Variants in SEMA6D observed in about 807,000 individuals in gnomAD.
SEMA6D encodes the protein semaphorin-6D.
A neutral mutation model predicts 106.6 loss-of-function variants in SEMA6D; 35 were observed. The observed-to-expected ratio is 0.33, with a 90% CI of 0.25 to 0.44. The LOEUF (loss-of-function observed/expected upper bound fraction) is 0.44, where lower values mean the gene tolerates loss of function less well. Ranked by LOEUF, SEMA6D falls within the 20% of genes least tolerant of loss-of-function variation. The pLI is 1.00. For missense variants in SEMA6D, 1,185 were observed against 1,345.9 expected, an observed-to-expected ratio of 0.88 and a Z score of 1.87; for synonymous variants, 499 against 487.7, an observed-to-expected ratio of 1.02 and a Z score of -0.31.
chr15:47,726,414 T>G (rs1358653931), intron 1 of SEMA6D, among the ~76,000 whole-genome samples: 1 of 152,216 alleles, frequency 6.6e-6, no homozygotes, highest in Admixed American at 6.5e-5. Flanking sequence ...TTAGGAATAT[T>G]CTCATTTTGT....
intron 2 of SEMA6D, among the ~76,000 whole-genome samples, chr15:47,457,526 C>A (rs895746683): frequency 7.9e-5 from 12 of 151,872 alleles, no homozygotes; most frequent in African/African-American, 2.9e-4. Flanking sequence ...CTAGTTCAAA[C>A]TTGTAGAGAT....
chr15:47,467,726 G>A (rs2042706923), intron 2 of SEMA6D, among the ~76,000 whole-genome samples: 2 of 152,096 alleles, frequency 1.3e-5, no homozygotes, highest in Admixed American at 1.3e-4. Context: ...TCCCTGCCAG[G>A]ATGCTAAGAG....
chr15:47,433,770 A>T (rs1024827480), intron 2 of SEMA6D, among the ~76,000 whole-genome samples: 3 of 152,142 alleles, frequency 2.0e-5, no homozygotes, highest in Non-Finnish European at 4.4e-5. Flanking sequence ...ATTCCTGGAT[A>T]ACTCTTAGTC....
At chr15:47,278,836 A>G (rs2034964273) in intron 1 of SEMA6D, among the ~76,000 whole-genome samples, 1 of 147,362 alleles carries the variant, frequency 6.8e-6, no homozygotes, top group Non-Finnish European at 1.5e-5. Context: ...ACATATGGCT[A>G]GCCAGTTTTC....
chr15:47,334,219 C>T (rs550653635), intron 1 of SEMA6D, among the ~76,000 whole-genome samples: 15 of 152,218 alleles, frequency 9.9e-5, no homozygotes, highest in African/African-American at 3.4e-4. Context: ...ACGCCCCTTC[C>T]CACATAGATT....
chr15:47,386,896 A>G (rs989296130), intron 1 of SEMA6D, among the ~76,000 whole-genome samples: 1 of 152,332 alleles, frequency 6.6e-6, no homozygotes, highest in South Asian at 2.1e-4. Flanking sequence ...TGTTTTGTTT[A>G]TTTGCAAATG....
At chr15:47,295,404 T>G (rs1234996671) in intron 1 of SEMA6D, among the ~76,000 whole-genome samples, 1 of 152,238 alleles carries the variant, frequency 6.6e-6, no homozygotes, top group African/African-American at 2.4e-5. Flanking sequence ...CTTCTTTTCC[T>G]CTCTCTAAAT....
At chr15:47,402,966 G>C (rs575198603) in intron 1 of SEMA6D, among the ~76,000 whole-genome samples, 85 of 152,212 alleles carry the variant, frequency 5.6e-4, no homozygotes, top group Non-Finnish European at 8.1e-4. Flanking sequence ...TTCTCACTAG[G>C]GAGGGAAACA....
chr15:47,629,089 A>G (rs1314710351), intron 4 of SEMA6D, among the ~76,000 whole-genome samples: 5 of 152,038 alleles, frequency 3.3e-5, no homozygotes, highest in African/African-American at 9.7e-5. Context: ...TCATTGATCT[A>G]TATGTCTGTC....
At chr15:47,368,572 G>A (rs1267525181) in intron 1 of SEMA6D, among the ~76,000 whole-genome samples, 2 of 151,868 alleles carry the variant, frequency 1.3e-5, no homozygotes, top group South Asian at 2.1e-4. Flanking sequence ...CCGGGTTCAC[G>A]CCATTCTCCT....
intron 4 of SEMA6D, among the ~76,000 whole-genome samples, chr15:47,657,897 C>A (rs1352726105): frequency 6.6e-6 from 1 of 151,280 alleles, no homozygotes; most frequent in Admixed American, 6.6e-5. Flanking sequence ...CCCCCCACCA[C>A]GCCCGGCTAA....
intron 3 of SEMA6D, among the ~76,000 whole-genome samples, chr15:47,553,586 G>T (rs903176832): frequency 6.6e-6 from 1 of 152,144 alleles, no homozygotes; most frequent in African/African-American, 2.4e-5. Context: ...AGCACACCAA[G>T]GGGCTAAAAA....
intron 2 of SEMA6D, among the ~76,000 whole-genome samples, chr15:47,433,001 A>T (rs2041587625): frequency 6.6e-6 from 1 of 152,108 alleles, no homozygotes; most frequent in African/African-American, 2.4e-5. Context: ...TCCCATATTT[A>T]TAGGTTACTC....
intron 3 of SEMA6D, among the ~76,000 whole-genome samples, chr15:47,591,895 GA>G (rs2076446574): frequency 6.6e-6 from 1 of 152,136 alleles, no homozygotes; most frequent in East Asian, 1.9e-4. Flanking sequence ...AGCTTGGGGA[GA>G]ATGACATTTG....
chr15:47,743,716 C>T (rs2080954154), intron 1 of SEMA6D, among the ~76,000 whole-genome samples: 1 of 152,100 alleles, frequency 6.6e-6, no homozygotes, highest in South Asian at 2.1e-4. Context: ...GGGGACAGCA[C>T]ATCCAAAGGC....
intron 1 of SEMA6D, among the ~76,000 whole-genome samples, chr15:47,260,686 T>C (rs564141509): frequency 6.6e-6 from 1 of 152,290 alleles, no homozygotes; most frequent in East Asian, 1.9e-4. Context: ...GAGCCACTTG[T>C]GGAAACGTCT....
intron 1 of SEMA6D, among the ~76,000 whole-genome samples, chr15:47,403,395 T>G (rs1449914164): frequency 6.6e-6 from 1 of 152,098 alleles, no homozygotes; most frequent in Non-Finnish European, 1.5e-5. Context: ...GGTAAATGAT[T>G]TAATGGAATA....
intron 2 of SEMA6D, among the ~76,000 whole-genome samples, chr15:47,419,986 A>G (rs1332585961): frequency 6.6e-6 from 1 of 152,054 alleles, no homozygotes; most frequent in Non-Finnish European, 1.5e-5. Context: ...ATTGAGAGGG[A>G]AGAGAGTTAT....
At chr15:47,653,190 A>G (rs2077725912) in intron 4 of SEMA6D, among the ~76,000 whole-genome samples, 1 of 152,176 alleles carries the variant, frequency 6.6e-6, no homozygotes, top group African/African-American at 2.4e-5. Context: ...ATAATGAGAA[A>G]TTTTCTTAAA....
Sources: allele counts gnomAD v4.1 joint callset (sites outside exome capture counted in the v4.1 genomes callset), GRCh38; gene constraint gnomAD v4.1.1; transcripts MANE v1.5; gene names NCBI Gene and HGNC (gene_info 2026-07-23, HGNC 2026-07-21).